Variants in MRTFB observed in about 807,000 individuals in gnomAD.
MRTFB encodes the protein myocardin related transcription factor B, also known as myocardin-related transcription factor B.
In MRTFB, 29 loss-of-function variants were observed where a neutral mutation model predicts 104.2. That is an observed-to-expected ratio of 0.28 (90% confidence interval 0.21 to 0.38). The LOEUF (loss-of-function observed/expected upper bound fraction) is 0.38, where lower values mean the gene tolerates loss of function less well. Among genes scored for constraint, MRTFB ranks in the 10% least tolerant of loss-of-function variants. The probability of loss-of-function intolerance (pLI) is 1.00; values close to 1 mark genes in which losing one functional copy is unlikely to be tolerated. For missense variants in MRTFB, 1,270 were observed against 1,341.6 expected (o/e 0.95, Z 0.83); for synonymous variants, 535 against 519.5 (o/e 1.03, Z -0.41).
chr16:14,000,421 T>A, the MRTFB span, among the ~76,000 whole-genome samples: 1 of 152,218 alleles, frequency 6.6e-6, no homozygotes, highest in South Asian at 2.1e-4. Flanking sequence ...ACCTTTCACA[T>A]CTGATGCTCC....
chr16:14,261,473 T>G lies in MRTFB; in HGVS notation c.*29T>G. 1 of 1,558,884 alleles carries G rather than the reference T, an allele frequency of 6.4e-7. No individual in the cohort carries two copies. The stretch of plus-strand genomic sequence containing the variant: ...CACAGATTTCTTTTCTGAGAGTTGA[T>G]GAGGTTTAAGAACATGAAGATTCTA... On this transcript the variant is annotated 3_prime_UTR_variant, in exon 17 of 17. Transcript: ENST00000571589.
intron 3 of MRTFB, chr16:14,144,147 G>T (rs920378223): frequency 1.3e-5 from 2 of 152,016 alleles, no homozygotes; most frequent in Non-Finnish European, 2.9e-5. Context: ...AAAAGAAGTT[G>T]GTTTTTAAGC....
chr16:14,060,273 C>T, the MRTFB span, among the ~76,000 whole-genome samples: 1 of 152,032 alleles, frequency 6.6e-6, no homozygotes, highest in Non-Finnish European at 1.5e-5. Flanking sequence ...TCCCAAAGTG[C>T]TGAAATCACA....
intron 3 of MRTFB, among the ~76,000 whole-genome samples, chr16:14,209,753 C>T (rs901902034): frequency 6.6e-6 from 1 of 151,824 alleles, no homozygotes; most frequent in African/African-American, 2.4e-5. Context: ...TAGAAATTTC[C>T]CTTTGAGTCA....
In MRTFB at chr16:14,230,484, A is replaced by C. The variant is rs1364878502; in HGVS notation, c.694-3662A>C. Among the ~76,000 whole-genome samples, 5 of 152,306 alleles carry C rather than the reference A, an allele frequency of 3.3e-5. No individual in the cohort carries two copies. In the East Asian group the frequency reaches 9.6e-4, roughly 29 times the overall value. ...AAAAGTGGGCAAAGGACATGAACAG[A>C]CACTTCTCAAAAGAAGACATTTATG... is the stretch of plus-strand genomic sequence containing the variant. On this transcript the variant is annotated intron_variant, in intron 8 of 16. Coordinates refer to ENST00000571589, the MANE Select transcript of MRTFB (RefSeq NM_001308142.2).
intron 13 of MRTFB, 57 bp downstream of exon 13, chr16:14,249,138 T>TC (rs758258689): frequency 6.5e-4 from 1,018 of 1,576,266 alleles, no homozygotes; most frequent in Non-Finnish European, 8.2e-4. Flanking sequence ...CCTCCGATCA[T>TC]CCATTCAACA....
intron 1 of MRTFB, among the ~76,000 whole-genome samples, chr16:14,077,981 C>T (rs1404746144): frequency 2.6e-5 from 4 of 152,188 alleles, no homozygotes; most frequent in African/African-American, 7.2e-5. Flanking sequence ...TCAAGGCCCC[C>T]TCCTGCTTCT....
chr16:14,121,150 T>G (rs2036825189), intron 2 of MRTFB, among the ~76,000 whole-genome samples: 1 of 152,100 alleles, frequency 6.6e-6, no homozygotes, highest in African/African-American at 2.4e-5. Flanking sequence ...TGTTACAGTC[T>G]TCATTTGAAA....
At position 14,252,462 on chromosome 16, in the gene MRTFB, C is replaced by T. The variant is rs749383324; in HGVS notation, c.2663C>T (p.Ala888Val). ...AAAGATCCCCCCCGCTATGAGGAGG[C>T]CATCAAGCAGACACGCAGCACACAG... ...KTKDPPRYEEAIKQTRSTQAP... is the reference protein window; with the variant it reads ...KTKDPPRYEEVIKQTRSTQAP... Residue 888 changes from alanine to valine, a missense_variant, in exon 15 of 17, where the codon GCC (alanine) becomes GTC (valine). Ala to Val is a moderately conservative substitution (Grantham distance 64). This residue lies in a region of MRTFB where 1,144 missense variants were observed against 1,131.5 expected (regional missense o/e 1.01). Transcript: ENST00000571589. The T allele has an allele frequency of 6.8e-6, 11 of 1,613,734 alleles. No homozygotes were observed. The highest frequency in any genetic ancestry group is 9.3e-6 in the Non-Finnish European group (11 of 1,179,970).
chr16:14,211,129 T>C (rs1031404494), intron 4 of MRTFB, among the ~76,000 whole-genome samples: 4 of 152,218 alleles, frequency 2.6e-5, no homozygotes, highest in Non-Finnish European at 4.4e-5. Flanking sequence ...GTTTATGATA[T>C]GGAATGATTT....
chr16:14,238,855 A>T (rs2042639428), intron 9 of MRTFB, among the ~76,000 whole-genome samples: 1 of 152,226 alleles, frequency 6.6e-6, no homozygotes, highest in Non-Finnish European at 1.5e-5. Flanking sequence ...CCAGTGTTTA[A>T]AAATAGGCTC....
intron 2 of MRTFB, among the ~76,000 whole-genome samples, chr16:14,110,380 G>A (rs1317381836): frequency 6.6e-6 from 1 of 152,216 alleles, no homozygotes; most frequent in Non-Finnish European, 1.5e-5. Context: ...AGGCGGTGGA[G>A]TAGTGAAGGA....
At chr16:14,165,172 T>C (rs187088128) in intron 3 of MRTFB, among the ~76,000 whole-genome samples, 4 of 152,034 alleles carry the variant, frequency 2.6e-5, no homozygotes, top group Admixed American at 2.0e-4. Flanking sequence ...GTTTAGAGAA[T>C]TCAGTTGCTT....
intron 3 of MRTFB, among the ~76,000 whole-genome samples, chr16:14,163,088 A>G (rs916768828): frequency 5.3e-5 from 8 of 152,184 alleles, no homozygotes; most frequent in African/African-American, 1.9e-4. Flanking sequence ...ACCACCAACA[A>G]TATTACTACT....
intron 10 of MRTFB, among the ~76,000 whole-genome samples, chr16:14,244,918 C>T (rs1412564311): frequency 6.6e-6 from 1 of 152,186 alleles, no homozygotes; most frequent in Non-Finnish European, 1.5e-5. Context: ...AAATCTTTGT[C>T]TACCCAAAGG....
the MRTFB span, among the ~76,000 whole-genome samples, chr16:14,021,311 G>A: frequency 6.6e-6 from 1 of 152,182 alleles, no homozygotes; most frequent in African/African-American, 2.4e-5. Flanking sequence ...GCTGGGGGCT[G>A]GTCTTTGATC....
the MRTFB span, among the ~76,000 whole-genome samples, chr16:14,026,446 T>C: frequency 3.9e-5 from 6 of 152,210 alleles, no homozygotes; most frequent in Admixed American, 6.5e-5. Context: ...TATAAAACTT[T>C]TGCAAGAAGA....
At chr16:14,155,368 T>C (rs1296311929) in intron 3 of MRTFB, among the ~76,000 whole-genome samples, 3 of 152,206 alleles carry the variant, frequency 2.0e-5, no homozygotes, top group Non-Finnish European at 2.9e-5. Context: ...TAAATACTTG[T>C]ATATAGTTAT....
At chr16:14,194,762 G>T (rs1163474930) in intron 3 of MRTFB, among the ~76,000 whole-genome samples, 5 of 146,312 alleles carry the variant, frequency 3.4e-5, no homozygotes, top group Non-Finnish European at 4.5e-5. Context: ...TTTAATTCTG[G>T]CTCTGCTTCT....
Sources: gnomAD v4.1 joint callset for allele counts (sites outside exome capture counted in the v4.1 genomes callset) on GRCh38, gnomAD v4.1.1 for gene constraint, gnomAD v4.1.1 regional missense constraint, MANE v1.5 for transcripts, NCBI Gene and HGNC (gene_info 2026-07-23, HGNC 2026-07-21) for gene names.